Variants in AMOTL1 observed in about 807,000 individuals in gnomAD.
AMOTL1 encodes the protein angiomotin like 1.
AMOTL1 carries 45 observed loss-of-function variants against 102.9 expected under a neutral mutation model. That is an observed-to-expected ratio of 0.44 (90% CI 0.34 to 0.56). The LOEUF is 0.56. Among genes scored for constraint, AMOTL1 ranks in the 20% least tolerant of loss-of-function variants. AMOTL1 has a pLI of 0.01. For synonymous variants in AMOTL1, 481 were observed against 484.7 expected (o/e 0.99, Z 0.10); for missense variants, 1,114 against 1,225.6 (o/e 0.91, Z 1.36).
intron 3 of AMOTL1, among the ~76,000 whole-genome samples, chr11:94,813,563 T>A (rs1159485990): frequency 6.6e-6 from 1 of 152,118 alleles, no homozygotes; most frequent in Admixed American, 6.6e-5. Context: ...AAACCATCCC[T>A]CCCCTCTCTC....
chr11:94,799,412 C>G lies in AMOTL1; in HGVS notation c.222C>G (p.Phe74Leu). ...EKVVEDPLCNFHSPNFLRISE... is the reference protein window; with the variant it reads ...EKVVEDPLCNLHSPNFLRISE... ...TAGTTGAAGATCCTCTTTGTAACTT[C>G]CACTCCCCAAACTTCCTGAGGATCT... The change falls in exon 3 of 13, where the codon TTC becomes TTG. Residue 74 changes from phenylalanine to leucine, a missense_variant. Physicochemically the swap from Phe to Leu is conservative, Grantham distance 22. Transcript: ENST00000433060. This position sits in a 1 kb window ranked among gnomAD's most constrained non-coding sequence, Gnocchi z 4.5. 6.3e-7 allele frequency: 1 copy of G among 1,580,554 alleles called. No individual in the cohort carries two copies. The highest frequency in any genetic ancestry group is 8.6e-7 in the Non-Finnish European group (1 of 1,161,730).
rs529310213 is a variant in AMOTL1 at position 94,857,838 on chromosome 11, T to C, written c.1945-1687T>C. On this transcript the variant is annotated intron_variant, in intron 8 of 12. Coordinates refer to ENST00000433060, the MANE Select transcript of AMOTL1 (RefSeq NM_130847.3). ...TGTTGCAACCCTGGTACATGGTACATGCTCAGTCAATACTTGTCGTCTAGA... is the reference window on the plus strand; with the variant it reads ...TGTTGCAACCCTGGTACATGGTACACGCTCAGTCAATACTTGTCGTCTAGA... Among the ~76,000 whole-genome samples the C allele has an allele frequency of 3.9e-5, 6 of 152,268 alleles. No homozygotes were observed. In the South Asian group the frequency reaches 1.2e-3, roughly 32 times the overall value.
intron 6 of AMOTL1, among the ~76,000 whole-genome samples, chr11:94,832,312 A>G (rs1459982579): frequency 6.6e-6 from 1 of 152,234 alleles, no homozygotes; most frequent in Non-Finnish European, 1.5e-5. Context: ...TCAGAACAAC[A>G]AAAAGTAATG....
At chr11:94,750,383 G>A (rs543178953) in intron 3 of AMOTL1, among the ~76,000 whole-genome samples, 2 of 152,156 alleles carry the variant, frequency 1.3e-5, no homozygotes, top group Non-Finnish European at 2.9e-5. Context: ...CCAGAACTTG[G>A]AGGCTTGGCC....
Position 94,778,383 on chromosome 11 carries a change from A to G in AMOTL1, c.49+9823A>G, listed in dbSNP as rs184164014. On this transcript the variant is annotated intron_variant, in intron 1 of 12. Transcript: ENST00000433060. The stretch of plus-strand genomic sequence containing the variant: ...CCTTTGGATATCTTTTTTTGATTTC[A>G]GTAATTATCTATGGAGCTTAATGGT... 1.9e-3 allele frequency among the ~76,000 whole-genome samples: 294 copies of G among 152,260 alleles called. 2 individuals are homozygous for G. The highest frequency in any genetic ancestry group is 6.5e-3 in the African/African-American group (272 of 41,550).
chr11:94,839,388 C>T lies in AMOTL1; in HGVS notation c.1648+7847C>T, dbSNP rs139926196. On this transcript the variant is annotated intron_variant, in intron 6 of 12. Transcript: ENST00000433060. ...AAACAAACCTTTGAGGTAAGTATTG[C>T]AGGTACTTTACAGATGGAGAAATTG... 2.6e-3 allele frequency among the ~76,000 whole-genome samples: 400 copies of T among 152,310 alleles called. 1 individual carries two copies. Among genetic ancestry groups the T allele is most frequent in the African/African-American group, 9.4e-3 (390 of 41,558 alleles).
At chr11:94,854,120 A>T (rs1952608710) in intron 8 of AMOTL1, 38 bp downstream of exon 8, 1 of 1,489,330 alleles carries the variant, frequency 6.7e-7, no homozygotes, top group Non-Finnish European at 9.0e-7. Context: ...AGAATTAGAT[A>T]TGTTCACTCA....
chr11:94,798,271 G>A (rs1241134288), intron 2 of AMOTL1, among the ~76,000 whole-genome samples: 3 of 152,160 alleles, frequency 2.0e-5, no homozygotes, highest in African/African-American at 7.2e-5. Context: ...ACAATACCTG[G>A]CACATCATAT....
At chr11:94,846,503 T>A (rs751579984) in intron 6 of AMOTL1, among the ~76,000 whole-genome samples, 6 of 152,184 alleles carry the variant, frequency 3.9e-5, no homozygotes, top group African/African-American at 7.2e-5. Flanking sequence ...GAACCATAAG[T>A]GGAAGAGCTG....
chr11:94,782,797 AC>A (rs1163689539), intron 1 of AMOTL1, among the ~76,000 whole-genome samples: 1 of 152,232 alleles, frequency 6.6e-6, no homozygotes, highest in Non-Finnish European at 1.5e-5. Context: ...AAATTATATA[AC>A]AACAGATTGA....
At chr11:94,746,303 A>G (rs1216479500) in intron 3 of AMOTL1, among the ~76,000 whole-genome samples, 1 of 152,150 alleles carries the variant, frequency 6.6e-6, no homozygotes, top group Non-Finnish European at 1.5e-5. Context: ...CGGTAGTTCC[A>G]TGCATAGCTA....
chr11:94,808,971 T>C (rs1409541652), intron 3 of AMOTL1, among the ~76,000 whole-genome samples: 1 of 82,390 alleles, frequency 1.2e-5, no homozygotes, highest in Non-Finnish European at 2.5e-5. Context: ...CTTTCTTTTT[T>C]TTTTTTTTTT....
intron 1 of AMOTL1, among the ~76,000 whole-genome samples, chr11:94,769,581 C>A (rs1242018672): frequency 6.6e-6 from 1 of 152,212 alleles, no homozygotes; most frequent in Non-Finnish European, 1.5e-5. Context: ...CTTTCCTTTT[C>A]CATTTTTGTT....
intron 3 of AMOTL1, among the ~76,000 whole-genome samples, chr11:94,815,247 AC>A (rs1165591777): frequency 6.6e-6 from 1 of 152,188 alleles, no homozygotes; most frequent in Non-Finnish European, 1.5e-5. Context: ...TAAATGTAGC[AC>A]AAAAGAAAAT....
chr11:94,751,119 T>C (rs1176243926), intron 3 of AMOTL1, among the ~76,000 whole-genome samples: 1 of 152,150 alleles, frequency 6.6e-6, no homozygotes, highest in Non-Finnish European at 1.5e-5. Context: ...GGGAATTGAA[T>C]AAATATGTTA....
intron 1 of AMOTL1, among the ~76,000 whole-genome samples, chr11:94,780,384 A>G (rs1217965003): frequency 1.3e-5 from 2 of 152,234 alleles, no homozygotes; most frequent in African/African-American, 4.8e-5. Context: ...GTTCTTTGAT[A>G]GAACTGGACA....
intron 3 of AMOTL1, among the ~76,000 whole-genome samples, chr11:94,761,144 C>A (rs1186348599): frequency 6.6e-6 from 1 of 151,198 alleles, no homozygotes; most frequent in Non-Finnish European, 1.5e-5. Context: ...CTTTATTGTC[C>A]TTTCAGTTAA....
chr11:94,771,915 A>G (rs1950959041), intron 1 of AMOTL1, among the ~76,000 whole-genome samples: 1 of 152,140 alleles, frequency 6.6e-6, no homozygotes, highest in Non-Finnish European at 1.5e-5. Flanking sequence ...GTTTTCAAAA[A>G]CTGTCGTTCT....
upstream of AMOTL1, among the ~76,000 whole-genome samples, chr11:94,763,783 G>T (rs1950823129): frequency 6.6e-6 from 1 of 152,166 alleles, no homozygotes; most frequent in Non-Finnish European, 1.5e-5. Flanking sequence ...GGAAGAAGGG[G>T]GTGGGTTGGG....
Sources: allele counts gnomAD v4.1 joint callset (sites outside exome capture counted in the v4.1 genomes callset), GRCh38; gene constraint gnomAD v4.1.1; non-coding constraint Gnocchi (gnomAD v3.1); transcripts MANE v1.5; gene names NCBI Gene and HGNC (gene_info 2026-07-23, HGNC 2026-07-21).